The following RYR1 variants were observed in gnomAD, a reference collection of about 807,000 sequenced individuals.
The protein encoded by RYR1 is central core disease of muscle.
In RYR1, 342 loss-of-function variants were observed where a neutral mutation model predicts 583.5. The observed-to-expected ratio is 0.59, with a 90% CI of 0.54 to 0.64. RYR1 has a LOEUF of 0.64. Ranked by LOEUF, RYR1 falls within the 30% of genes least tolerant of loss-of-function variation. The pLI is 0.00. For synonymous variants in RYR1, 2,791 were observed against 2,822.5 expected, an observed-to-expected ratio of 0.99 and a Z score of 0.35; for missense variants, 6,032 against 6,917.2, an observed-to-expected ratio of 0.87 and a Z score of 4.54.
At chr19:38,524,241 G>A (rs1016117683) in intron 70 of RYR1, among the ~76,000 whole-genome samples, 9 of 149,088 alleles carry the variant, frequency 6.0e-5, no homozygotes, top group African/African-American at 9.9e-5. Context: ...CCAAAGCATC[G>A]TGGGCTGAGG....
intron 84 of RYR1, among the ~76,000 whole-genome samples, chr19:38,542,393 A>C (rs1041925110): frequency 6.6e-6 from 1 of 152,128 alleles, no homozygotes; most frequent in Non-Finnish European, 1.5e-5. Context: ...CTGAATCTCT[A>C]TTTCTCCCTG....
At chr19:38,438,615 T>TG (rs1972530441) in intron 1 of RYR1, among the ~76,000 whole-genome samples, 1 of 69,152 alleles carries the variant, frequency 1.4e-5, no homozygotes. Context: ...CCCAGGCTAG[T>TG]CTTTTTTTTT....
intron 13 of RYR1, among the ~76,000 whole-genome samples, chr19:38,454,129 C>T (rs553999815): frequency 6.6e-6 from 1 of 152,288 alleles, no homozygotes; most frequent in African/African-American, 2.4e-5. Context: ...CTCCACCTCC[C>T]AGGTTCAAAT....
At chr19:38,516,574 G>A (rs1970981981) in intron 65 of RYR1, among the ~76,000 whole-genome samples, 1 of 152,136 alleles carries the variant, frequency 6.6e-6, no homozygotes, top group Non-Finnish European at 1.5e-5. Context: ...AGACCAACCT[G>A]GGCAACATAG....
Position 38,532,554 on chromosome 19 carries a change from C to G in RYR1, c.11193+13C>G. ...TATCATGGCAAAGGTGAGGCCCTAC[C>G]CCCCTCTTCTGGGGCAGATTTCCCT... On this transcript the variant is annotated intron_variant, in intron 77 of 105. Transcript: ENST00000359596. 1 of 1,614,132 alleles carries G rather than the reference C, an allele frequency of 6.2e-7. No individual in the cohort carries two copies. Among genetic ancestry groups the G allele is most frequent in the Non-Finnish European group, 8.5e-7 (1 of 1,180,000 alleles).
chr19:38,583,169 C>T (rs1568608753), intron 101 of RYR1, among the ~76,000 whole-genome samples: 4 of 151,990 alleles, frequency 2.6e-5, no homozygotes, highest in East Asian at 3.9e-4. Context: ...TGGTGGTGGG[C>T]GCCTATAATC....
intron 58 of RYR1, among the ~76,000 whole-genome samples, chr19:38,509,443 TA>T (rs1555786556): frequency 1.8e-4 from 23 of 130,212 alleles, no homozygotes; most frequent in Non-Finnish European, 3.0e-4. Flanking sequence ...TTATTATTAT[TA>T]TTATTATTTT....
intron 42 of RYR1, among the ~76,000 whole-genome samples, chr19:38,498,494 C>T (rs938020254): frequency 2.0e-5 from 3 of 152,098 alleles, no homozygotes; most frequent in African/African-American, 7.2e-5. Flanking sequence ...GAATTCAGGG[C>T]AACTCCATAG....
Position 38,516,173 on chromosome 19 carries a change from A to T in RYR1, c.9641A>T (p.Asn3214Ile). Residue 3214 changes from asparagine (N) to isoleucine (I), a missense_variant, in exon 65 of 106, where the codon AAC becomes ATC. By Grantham distance (149) the Asn-to-Ile change is moderately radical. This residue lies in a region of RYR1 where 1,493 missense variants were observed against 1,715.5 expected (regional missense o/e 0.87). Transcript: ENST00000359596. ...CTGGAGCCGCAGCTGAACGAGTACA[A>T]CGCCTGCTCCGTGTACACCACCAAG... ...AFLEPQLNEY[N>I]ACSVYTTKSP... 6.4e-7 allele frequency: 1 copy of T among 1,566,370 alleles called. No individual in the cohort carries two copies. Among genetic ancestry groups the T allele is most frequent in the Non-Finnish European group, 8.7e-7 (1 of 1,155,318 alleles).
chr19:38,582,011 C>T (rs1045497391), intron 101 of RYR1, among the ~76,000 whole-genome samples: 7 of 152,202 alleles, frequency 4.6e-5, no homozygotes, highest in Admixed American at 2.6e-4. Context: ...CAACCTCCTC[C>T]CTATGCCCTG....
intron 39 of RYR1, among the ~76,000 whole-genome samples, chr19:38,495,307 C>G (rs1388486432): frequency 6.6e-6 from 1 of 152,126 alleles, no homozygotes; most frequent in African/African-American, 2.4e-5. Context: ...AAATCTCATT[C>G]ACACAGTAAA....
chr19:38,517,642 C>G lies in RYR1; in HGVS notation c.9969C>G (p.Ile3323Met). The change falls in exon 66 of 106, where the codon ATC (isoleucine) becomes ATG (methionine). Residue 3323 changes from isoleucine (I) to methionine (M), a missense_variant. Ile to Met is a conservative substitution (Grantham distance 10). Coordinates refer to ENST00000359596, the MANE Select transcript of RYR1 (RefSeq NM_000540.3). ...NSLLGNILRI[I>M]VNNLGIDEAS... is the part of the protein sequence containing the mutation. ...TGCTGGGGAATATCCTGAGAATCAT[C>G]GTCAACAACCTGGGCATTGACGAGG... The G allele has an allele frequency of 6.2e-7, 1 of 1,614,174 alleles. No individual in the cohort carries two copies. Among genetic ancestry groups the G allele is most frequent in the Non-Finnish European group, 8.5e-7 (1 of 1,180,026 alleles).
chr19:38,437,041 AT>A lies in RYR1; in HGVS notation c.45+3177del, dbSNP rs910557918. 2.1e-3 allele frequency among the ~76,000 whole-genome samples: 306 copies of A among 144,072 alleles called. 1 individual carries two copies. The highest frequency in any genetic ancestry group is 1.4e-3 in the Non-Finnish European group (89 of 65,402). 94.5% of individuals were successfully genotyped at this position (144,072 alleles called of 152,430 possible). On this transcript the variant is annotated intron_variant, in intron 1 of 105. Coordinates refer to ENST00000359596, the MANE Select transcript of RYR1 (RefSeq NM_000540.3). The stretch of plus-strand genomic sequence containing the variant: ...TTAACCAGAACCCTCCGCTTCCTTC[AT>A]TTTTTTTTTCTTTTTCTTTTTTTTT...
In RYR1 at chr19:38,466,398, A is replaced by T. The variant is rs1568462217; in HGVS notation, c.3178A>T (p.Ser1060Cys). Residue 1060 changes from serine to cysteine, a missense_variant and splice_region_variant, in exon 24 of 106, where the codon AGT becomes TGT. This residue lies in a region of RYR1 where 2,627 missense variants were observed against 2,961.3 expected (regional missense o/e 0.89). Transcript: ENST00000359596. The part of the protein sequence containing the change: ...YNIEPPDQEP[S>C]QVENQSRCDR... Reference sequence around the variant, plus strand: ...CATCGAGCCTCCTGACCAGGAGCCCAGTGAGTGCTCACCCCTGGCCCTGGC... The same window carrying T: ...CATCGAGCCTCCTGACCAGGAGCCCTGTGAGTGCTCACCCCTGGCCCTGGC... 1.3e-6 allele frequency: 2 copies of T among 1,544,914 alleles called. No individual in the cohort carries two copies. The highest frequency in any genetic ancestry group is 4.9e-5 in the East Asian group (2 of 40,938).
At chr19:38,587,255 A>AATATATAT (rs60733320) in intron 105 of RYR1, 70 bp from the exon 106 acceptor site, 1 of 778,868 alleles carries the variant, frequency 1.3e-6, no homozygotes, top group African/African-American at 1.8e-5. Flanking sequence ...CCTGTCTAAA[A>AATATATAT]ATATATATAT....
At chr19:38,462,891 C>T (rs376912056) in intron 20 of RYR1, among the ~76,000 whole-genome samples, 6 of 78,764 alleles carry the variant, frequency 7.6e-5, no homozygotes, top group Admixed American at 1.8e-4. Flanking sequence ...ACTCTCTCTT[C>T]TTTTTTTTTT....
At chr19:38,552,858 C>T (rs1291583441) in intron 89 of RYR1, among the ~76,000 whole-genome samples, 5 of 152,130 alleles carry the variant, frequency 3.3e-5, no homozygotes, top group East Asian at 1.9e-4. Flanking sequence ...CTAAAGTACA[C>T]ATGATTCACA....
chr19:38,504,443 T>A, intron 50 of RYR1, 83 bp downstream of exon 50: 1 of 1,537,008 alleles, frequency 6.5e-7, no homozygotes, highest in Non-Finnish European at 8.9e-7. Context: ...AATCCCTCAA[T>A]TTTGGGGGGT....
chr19:38,582,658 A>G (rs1290870300), intron 101 of RYR1, among the ~76,000 whole-genome samples: 1 of 152,090 alleles, frequency 6.6e-6, no homozygotes, highest in East Asian at 1.9e-4. Flanking sequence ...GTCAAGTTTA[A>G]AAAAAAGTTT....
Sources: gnomAD v4.1 joint callset for allele counts (sites outside exome capture counted in the v4.1 genomes callset) on GRCh38, gnomAD v4.1.1 for gene constraint, gnomAD v4.1.1 regional missense constraint, MANE v1.5 for transcripts, NCBI Gene and HGNC (gene_info 2026-07-23, HGNC 2026-07-21) for gene names.